The following DENND2A variants were observed in gnomAD, a reference collection of about 807,000 sequenced individuals.
DENND2A encodes the protein DENN domain-containing protein 2A.
In DENND2A, 53 loss-of-function variants were observed where a neutral mutation model predicts 105.3. The observed-to-expected ratio is 0.50, with a 90% confidence interval of 0.40 to 0.63. The LOEUF is 0.63. Among genes scored for constraint, DENND2A ranks in the 30% least tolerant of loss-of-function variants. The pLI is 0.00. For missense variants in DENND2A, 1,138 were observed against 1,279.6 expected, an observed-to-expected ratio of 0.89 and a Z score of 1.69; for synonymous variants, 522 against 508.4, an observed-to-expected ratio of 1.03 and a Z score of -0.36.
intron 1 of DENND2A, among the ~76,000 whole-genome samples, chr7:140,619,080 G>A (rs1800187868): frequency 6.6e-6 from 1 of 152,210 alleles, no homozygotes; most frequent in Admixed American, 6.5e-5. Context: ...TTACAGGCAT[G>A]AGCCACCGCG....
At chr7:140,582,220 C>T (rs1458945856) in intron 5 of DENND2A, among the ~76,000 whole-genome samples, 1 of 152,144 alleles carries the variant, frequency 6.6e-6, no homozygotes, top group African/African-American at 2.4e-5. Context: ...CCGCCTTGGC[C>T]TCCCAAAGTG....
intron 14 of DENND2A, chr7:140,543,914 T>C (rs1796787895): frequency 6.8e-6 from 1 of 148,118 alleles, no homozygotes; most frequent in Non-Finnish European, 1.5e-5. Flanking sequence ...ATTTTTGAGA[T>C]GGAATGTCAT....
At chr7:140,563,135 G>A (rs1426564781) in intron 9 of DENND2A, among the ~76,000 whole-genome samples, 1 of 148,180 alleles carries the variant, frequency 6.7e-6, no homozygotes, top group Non-Finnish European at 1.5e-5. Context: ...TACCAAATGA[G>A]TTTCTCCACA....
chr7:140,552,060 AC>A (rs1183630620), intron 12 of DENND2A, among the ~76,000 whole-genome samples: 2 of 152,224 alleles, frequency 1.3e-5, no homozygotes, highest in Non-Finnish European at 2.9e-5. Flanking sequence ...GGCCTAACTC[AC>A]ATGAGCTGTT....
chr7:140,559,877 G>T lies in DENND2A; in HGVS notation c.1780-60C>A. On this transcript the variant is annotated intron_variant, in intron 9 of 19. Transcript: ENST00000496613. The surrounding 1 kb of genome is among the most constrained non-coding windows in gnomAD (Gnocchi z 4.1). Reference sequence around the variant, plus strand: ...AAATCTCAGCATGGGAAATTGAGGCGGATGATGGTAAGGATGGCCTCTCCC... The same window carrying T: ...AAATCTCAGCATGGGAAATTGAGGCTGATGATGGTAAGGATGGCCTCTCCC... 1.5e-6 allele frequency: 2 copies of T among 1,297,528 alleles called. No individual in the cohort carries two copies. Among genetic ancestry groups the T allele is most frequent in the Non-Finnish European group, 2.2e-6 (2 of 900,192 alleles). 80.4% of individuals were successfully genotyped at this position (1,297,528 alleles called of 1,614,324 possible). A position where few individuals can be genotyped will look rare whatever the true frequency, so the allele number is the denominator to read the frequency against.
intron 19 of DENND2A, 89 bp downstream of exon 19, chr7:140,519,543 C>G: frequency 8.8e-7 from 1 of 1,140,524 alleles, no homozygotes; most frequent in Non-Finnish European, 1.3e-6. Flanking sequence ...TTATTCAGGG[C>G]GCTGGCTCCA....
intron 14 of DENND2A, among the ~76,000 whole-genome samples, chr7:140,542,361 G>T (rs1796698492): frequency 6.6e-6 from 1 of 152,106 alleles, no homozygotes; most frequent in South Asian, 2.1e-4. Context: ...CTCCTATGGG[G>T]CACTGAGTTT....
Position 140,562,211 on chromosome 7 carries a change from T to G in DENND2A, c.1780-2394A>C, listed in dbSNP as rs1169962286. ...CCCGAGCTCCACTTTAAAACACCCTTGCAGACAATTTCTGAAGTTGGCAAG... is the reference window on the plus strand; with the variant it reads ...CCCGAGCTCCACTTTAAAACACCCTGGCAGACAATTTCTGAAGTTGGCAAG... On this transcript the variant is annotated intron_variant, in intron 9 of 19. Transcript: ENST00000496613. Among the ~76,000 whole-genome samples the G allele has an allele frequency of 2.0e-5, 3 of 151,298 alleles. No homozygotes were observed. In the East Asian group the frequency reaches 6.0e-4, roughly 30 times the overall value.
chr7:140,542,831 G>T (rs555510493), intron 14 of DENND2A, among the ~76,000 whole-genome samples: 3 of 152,208 alleles, frequency 2.0e-5, no homozygotes, highest in African/African-American at 7.2e-5. Flanking sequence ...CTCCCAAAGT[G>T]CTGGGATTAC....
intron 5 of DENND2A, among the ~76,000 whole-genome samples, chr7:140,576,893 C>T (rs771343105): frequency 6.6e-6 from 1 of 152,184 alleles, no homozygotes; most frequent in Non-Finnish European, 1.5e-5. Flanking sequence ...TCCTGTCAAA[C>T]TGTTGGGAAA....
chr7:140,624,406 C>A (rs575167196), intron 1 of DENND2A, among the ~76,000 whole-genome samples: 1 of 152,284 alleles, frequency 6.6e-6, no homozygotes, highest in African/African-American at 2.4e-5. Context: ...ACTGGAAAAG[C>A]GCCTGGCACA....
intron 5 of DENND2A, among the ~76,000 whole-genome samples, chr7:140,577,691 C>T (rs1376201435): frequency 6.6e-6 from 1 of 152,180 alleles, no homozygotes; most frequent in Non-Finnish European, 1.5e-5. Context: ...ATCCACCGCG[C>T]CCAGCCAGCA....
chr7:140,544,422 T>C (rs1796807563), intron 14 of DENND2A, 196 bp downstream of exon 14: 1 of 676,458 alleles, frequency 1.5e-6, no homozygotes, highest in Admixed American at 2.4e-5. Context: ...CTCGAACTCC[T>C]GGTCTCAAGT....
At chr7:140,628,356 C>G (rs772853832) in intron 1 of DENND2A, among the ~76,000 whole-genome samples, 1 of 152,132 alleles carries the variant, frequency 6.6e-6, no homozygotes, top group Non-Finnish European at 1.5e-5. Flanking sequence ...GAAAGTAAGG[C>G]GGAGGTCGCC....
intron 14 of DENND2A, among the ~76,000 whole-genome samples, chr7:140,543,414 C>T (rs183703223): frequency 1.8e-4 from 27 of 151,410 alleles, no homozygotes; most frequent in East Asian, 1.6e-3. Flanking sequence ...TGATTACAGG[C>T]GTGAGCCACC....
At position 140,521,990 on chromosome 7, in the gene DENND2A, T is replaced by A. The variant is rs200491602; in HGVS notation, c.2776A>T (p.Arg926Ter). Residue 926 changes from arginine (R) to a stop codon, truncating the protein, a stop_gained, in exon 18 of 20, where the codon AGA (arginine) becomes TGA (stop). Coordinates refer to ENST00000496613, the MANE Select transcript of DENND2A (RefSeq NM_015689.5). LOFTEE classifies it high-confidence loss of function. ...LFLTSGEREE[R>*]TLQREAFRKA... ...CGGAAGGCCTCCCGCTGCAGGGTTC[T>A]CTCCTCACGCTCGCCCGACGTCAGG... is the stretch of plus-strand genomic sequence containing the variant. 1 of 1,614,172 alleles carries A rather than the reference T, an allele frequency of 6.2e-7. No individual in the cohort carries two copies. The highest frequency in any genetic ancestry group is 8.5e-7 in the Non-Finnish European group (1 of 1,180,044).
intron 13 of DENND2A, among the ~76,000 whole-genome samples, chr7:140,546,190 CG>C (rs1430444376): frequency 6.6e-6 from 1 of 151,918 alleles, no homozygotes; most frequent in African/African-American, 2.4e-5. Flanking sequence ...GAGGCTGAGG[CG>C]GGTGGATAAT....
In DENND2A at chr7:140,541,096, G is replaced by C. The variant is rs1363749865; in HGVS notation, c.2327+3522C>G. Among the ~76,000 whole-genome samples, 17 of 152,234 alleles carry C rather than the reference G, an allele frequency of 1.1e-4. 2 individuals are homozygous for C. The South Asian group carries it at 2.5e-3, about 22-fold the overall frequency. On this transcript the variant is annotated intron_variant, in intron 14 of 19. Transcript: ENST00000496613. ...GCCCTTTGGAGATGTGTTTGTCTCT[G>C]ACAAGGCCCCTTCCCTTTTCTGTTC...
intron 15 of DENND2A, among the ~76,000 whole-genome samples, chr7:140,526,182 T>C (rs1384967308): frequency 6.6e-6 from 1 of 152,212 alleles, no homozygotes; most frequent in African/African-American, 2.4e-5. Flanking sequence ...TTCCCCCAGC[T>C]GCCCACTTAA....
Sources: allele counts gnomAD v4.1 joint callset (sites outside exome capture counted in the v4.1 genomes callset), GRCh38; gene constraint gnomAD v4.1.1; non-coding constraint Gnocchi (gnomAD v3.1); transcripts MANE v1.5; gene names NCBI Gene and HGNC (gene_info 2026-07-23, HGNC 2026-07-21).